Variants in ANKRD17 observed in about 807,000 individuals in gnomAD.
ANKRD17 encodes the protein ankyrin repeat domain 17, also known as ankyrin repeat domain-containing protein 17.
ANKRD17 carries 19 observed loss-of-function variants against 229.7 expected under a neutral mutation model. The observed-to-expected ratio is 0.08, with a 90% CI of 0.06 to 0.12. The LOEUF is 0.12. Among genes scored for constraint, ANKRD17 ranks in the 10% least tolerant of loss-of-function variants. The probability of loss-of-function intolerance (pLI) is 1.00; values close to 1 mark genes in which losing one functional copy is unlikely to be tolerated. For missense variants in ANKRD17, 2,176 were observed against 3,176.8 expected (o/e 0.68, Z 7.57); for synonymous variants, 1,112 against 1,146.1 (o/e 0.97, Z 0.60).
intron 1 of ANKRD17, among the ~76,000 whole-genome samples, chr4:73,222,127 G>T (rs1741937123): frequency 6.6e-6 from 1 of 151,716 alleles, no homozygotes. Flanking sequence ...AATTACCCAG[G>T]TTTTATCTAA....
At chr4:73,253,057 T>C (rs563616795) in intron 1 of ANKRD17, among the ~76,000 whole-genome samples, 191 of 152,288 alleles carry the variant, frequency 1.3e-3, no homozygotes, top group African/African-American at 4.5e-3. Flanking sequence ...AATAAATGAA[T>C]GAATGAGGAG....
intron 31 of ANKRD17, among the ~76,000 whole-genome samples, chr4:73,078,359 A>G (rs1016419711): frequency 2.6e-5 from 4 of 151,618 alleles, no homozygotes; most frequent in African/African-American, 4.8e-5. Context: ...CCTGGGTTAC[A>G]GAGCGAGACT....
At chr4:73,099,496 C>T (rs1173409018) in intron 25 of ANKRD17, among the ~76,000 whole-genome samples, 1 of 152,226 alleles carries the variant, frequency 6.6e-6, no homozygotes, top group Non-Finnish European at 1.5e-5. Flanking sequence ...ACACTGCTCT[C>T]TGGTGATGGG....
intron 9 of ANKRD17, 32 bp from the exon 10 acceptor site, chr4:73,146,905 A>T (rs370627994): frequency 6.5e-7 from 1 of 1,545,636 alleles, no homozygotes; most frequent in Non-Finnish European, 8.9e-7. Flanking sequence ...ACATAGACTT[A>T]ATAAAGGAGC....
chr4:73,101,072 T>A (rs1019851503), intron 25 of ANKRD17: 1 of 858,032 alleles, frequency 1.2e-6, no homozygotes, highest in African/African-American at 1.8e-5. Context: ...ATTTAAAGTA[T>A]ATGGGAGAAT....
chr4:73,245,763 G>A (rs531134885), intron 1 of ANKRD17, among the ~76,000 whole-genome samples: 1 of 152,314 alleles, frequency 6.6e-6, no homozygotes, highest in South Asian at 2.1e-4. Flanking sequence ...ACCTAAGGGA[G>A]AGAGGAGCTA....
At chr4:73,216,227 A>C (rs1741015306) in intron 1 of ANKRD17, among the ~76,000 whole-genome samples, 1 of 152,238 alleles carries the variant, frequency 6.6e-6, no homozygotes, top group Admixed American at 6.5e-5. Context: ...TTATAAAAGC[A>C]TGTTAACATG....
At chr4:73,216,401 C>G (rs868573359) in intron 1 of ANKRD17, among the ~76,000 whole-genome samples, 20 of 152,106 alleles carry the variant, frequency 1.3e-4, no homozygotes, top group African/African-American at 4.8e-4. Flanking sequence ...TAATTTTTAA[C>G]AGTGAAAAAG....
At chr4:73,207,006 T>C (rs1739557824) in intron 1 of ANKRD17, among the ~76,000 whole-genome samples, 1 of 152,150 alleles carries the variant, frequency 6.6e-6, no homozygotes, top group African/African-American at 2.4e-5. Flanking sequence ...GTATTTTTAG[T>C]GGAGACAGGG....
At chr4:73,242,269 A>C (rs1744108452) in intron 1 of ANKRD17, among the ~76,000 whole-genome samples, 1 of 152,226 alleles carries the variant, frequency 6.6e-6, no homozygotes, top group Non-Finnish European at 1.5e-5. Flanking sequence ...AATTCAGTTT[A>C]GTGGCCATAT....
intron 24 of ANKRD17, among the ~76,000 whole-genome samples, chr4:73,109,482 C>T (rs915555168): frequency 4.6e-5 from 7 of 151,986 alleles, no homozygotes; most frequent in African/African-American, 1.2e-4. Flanking sequence ...TAGGTAAAGT[C>T]TTTGCAAGTT....
Position 73,120,200 on chromosome 4 carries a change from A to G in ANKRD17, c.3987T>C (p.Asp1329=). The part of the protein sequence containing the change: ...SRDTALTIAA[D]KGHYKFCELL... Reference sequence around the variant, plus strand: ...GCTCACAGAATTTGTAATGCCCTTTATCTGCTGCTATGGTTAAAGCTGTAT... The same window carrying G: ...GCTCACAGAATTTGTAATGCCCTTTGTCTGCTGCTATGGTTAAAGCTGTAT... Residue 1329 remains aspartate (D), a synonymous_variant, in exon 21 of 34, where the codon GAT becomes GAC. Transcript: ENST00000358602. The G allele has an allele frequency of 6.2e-7, 1 of 1,614,124 alleles. No homozygotes were observed. The highest frequency in any genetic ancestry group is 1.1e-5 in the South Asian group (1 of 91,080).
intron 29 of ANKRD17, among the ~76,000 whole-genome samples, chr4:73,088,823 T>C (rs1018868644): frequency 4.6e-5 from 7 of 152,130 alleles, no homozygotes; most frequent in Admixed American, 3.9e-4. Flanking sequence ...ATATTTCCAA[T>C]AACACAGATA....
At chr4:73,158,841 G>A (rs1732123248) in intron 3 of ANKRD17, among the ~76,000 whole-genome samples, 1 of 152,256 alleles carries the variant, frequency 6.6e-6, no homozygotes, top group African/African-American at 2.4e-5. Context: ...GTGATGGCCT[G>A]TGCTGCCTCA....
At chr4:73,106,632 G>A (rs1724661051) in intron 24 of ANKRD17, among the ~76,000 whole-genome samples, 1 of 152,114 alleles carries the variant, frequency 6.6e-6, no homozygotes, top group Non-Finnish European at 1.5e-5. Context: ...TGTAATCCCA[G>A]CACTTTGGGA....
intron 24 of ANKRD17, among the ~76,000 whole-genome samples, chr4:73,108,006 ATC>A (rs1263548066): frequency 2.6e-5 from 4 of 152,134 alleles, no homozygotes; most frequent in Non-Finnish European, 5.9e-5. Flanking sequence ...AAGATTATAT[ATC>A]TATATTTTGA....
chr4:73,107,780 T>C (rs1171967095), intron 24 of ANKRD17, among the ~76,000 whole-genome samples: 2 of 152,170 alleles, frequency 1.3e-5, no homozygotes, highest in African/African-American at 4.8e-5. Flanking sequence ...CTTGATCACC[T>C]AAGGCCTTGC....
intron 1 of ANKRD17, among the ~76,000 whole-genome samples, chr4:73,209,060 GCTGGGCATGGT>G (rs1477027725): frequency 2.0e-5 from 3 of 152,024 alleles, no homozygotes; most frequent in Non-Finnish European, 4.4e-5. Flanking sequence ...ACAAAAATTA[GCTGGGCATGGT>G]GGTGCGTGCC....
intron 1 of ANKRD17, among the ~76,000 whole-genome samples, chr4:73,183,011 G>T (rs1735785383): frequency 6.6e-6 from 1 of 152,138 alleles, no homozygotes; most frequent in South Asian, 2.1e-4. Context: ...GGAGAAAGAG[G>T]TTGAGAATCA....
Sources: gnomAD v4.1 joint callset for allele counts (sites outside exome capture counted in the v4.1 genomes callset) on GRCh38, gnomAD v4.1.1 for gene constraint, MANE v1.5 for transcripts, NCBI Gene and HGNC (gene_info 2026-07-23, HGNC 2026-07-21) for gene names.